Variants in MTA3 observed in about 807,000 individuals in gnomAD.
MTA3 encodes the protein metastasis-associated protein MTA3.
In MTA3, 34 loss-of-function variants were observed where a neutral mutation model predicts 83.5. The ratio of observed to expected loss-of-function variants is 0.41; its 90% CI spans 0.31 to 0.54. The LOEUF is 0.54. Among genes scored for constraint, MTA3 ranks in the 20% least tolerant of loss-of-function variants. The pLI, the probability that MTA3 is intolerant of heterozygous loss-of-function variation, is 0.33. For missense variants in MTA3, 761 were observed against 726.4 expected (o/e 1.05, Z -0.55); for synonymous variants, 303 against 252.7 (o/e 1.20, Z -1.89).
chr2:42,642,479 G>GAC (rs1054213653), intron 5 of MTA3, among the ~76,000 whole-genome samples: 1 of 151,868 alleles, frequency 6.6e-6, no homozygotes, highest in African/African-American at 2.4e-5. Context: ...AACATAGTGA[G>GAC]ACGTCGTCTC....
At chr2:42,688,236 G>C (rs987792508) in intron 9 of MTA3, among the ~76,000 whole-genome samples, 1 of 152,128 alleles carries the variant, frequency 6.6e-6, no homozygotes, top group African/African-American at 2.4e-5. Context: ...CACCATGTCT[G>C]GCTAACTTTC....
intron 8 of MTA3, among the ~76,000 whole-genome samples, chr2:42,669,131 C>A (rs139597796): frequency 0.014 from 2,085 of 146,516 alleles, 53 homozygotes; most frequent in African/African-American, 0.049. Flanking sequence ...GTCACCCAGG[C>A]TGGAGTGCAG....
At chr2:42,622,252 G>A (rs1245583043) in intron 4 of MTA3, among the ~76,000 whole-genome samples, 4 of 151,990 alleles carry the variant, frequency 2.6e-5, no homozygotes, top group East Asian at 3.9e-4. Context: ...AAAAAAATAC[G>A]AAAACCAGTC....
chr2:42,521,617 A>G (rs1178063076), intron 2 of MTA3, among the ~76,000 whole-genome samples: 1 of 152,168 alleles, frequency 6.6e-6, no homozygotes, highest in East Asian at 1.9e-4. Flanking sequence ...CGGGGCACAC[A>G]GAAAGGAAGG....
intron 3 of MTA3, among the ~76,000 whole-genome samples, chr2:42,597,713 C>T (rs1262898925): frequency 6.2e-5 from 8 of 128,764 alleles, no homozygotes; most frequent in Admixed American, 5.6e-4. Flanking sequence ...TGGGGTCTTG[C>T]TCTGTTGCCC....
intron 8 of MTA3, among the ~76,000 whole-genome samples, chr2:42,664,036 G>GA (rs1403455982): frequency 5.9e-5 from 9 of 152,146 alleles, no homozygotes; most frequent in Admixed American, 1.3e-4. Context: ...ATCTGCACTT[G>GA]ATTCCTCCTG....
At chr2:42,731,967 T>C (rs528861087) in intron 16 of MTA3, among the ~76,000 whole-genome samples, 9 of 152,210 alleles carry the variant, frequency 5.9e-5, no homozygotes, top group Non-Finnish European at 8.8e-5. Flanking sequence ...TGAAATCCAG[T>C]TGGGCAGTCA....
chr2:42,699,542 T>C (rs1204695623), intron 11 of MTA3, among the ~76,000 whole-genome samples: 1 of 152,136 alleles, frequency 6.6e-6, no homozygotes, highest in Non-Finnish European at 1.5e-5. Context: ...AGGGACCAGT[T>C]ATGAAGTTCT....
intron 2 of MTA3, among the ~76,000 whole-genome samples, chr2:42,513,031 CT>C (rs1674974448): frequency 6.6e-6 from 1 of 152,282 alleles, no homozygotes; most frequent in South Asian, 2.1e-4. Context: ...AATTTTGCCA[CT>C]TAATTTAAAT....
intron 4 of MTA3, among the ~76,000 whole-genome samples, chr2:42,630,695 T>C (rs1174261924): frequency 1.3e-5 from 2 of 152,216 alleles, no homozygotes; most frequent in Admixed American, 6.5e-5. Context: ...AAAATAATAC[T>C]ATAATGAATA....
intron 4 of MTA3, among the ~76,000 whole-genome samples, chr2:42,623,425 G>A (rs1685765222): frequency 6.6e-6 from 1 of 152,168 alleles, no homozygotes; most frequent in African/African-American, 2.4e-5. Flanking sequence ...TAAGTTCCCT[G>A]AATAAAGCTT....
chr2:42,593,642 CTA>C (rs1437860089), intron 3 of MTA3, among the ~76,000 whole-genome samples: 1 of 152,020 alleles, frequency 6.6e-6, no homozygotes, highest in African/African-American at 2.4e-5. Flanking sequence ...TGGTGTGTGA[CTA>C]TATATGTCAT....
chr2:42,523,139 C>A (rs1430590194), intron 2 of MTA3, among the ~76,000 whole-genome samples: 1 of 152,236 alleles, frequency 6.6e-6, no homozygotes, highest in Admixed American at 6.6e-5. Flanking sequence ...AGTGTTTATC[C>A]TAAAGGGGCT....
chr2:42,641,771 C>G (rs888114504), intron 5 of MTA3, among the ~76,000 whole-genome samples: 2 of 151,952 alleles, frequency 1.3e-5, no homozygotes, highest in African/African-American at 4.8e-5. Context: ...GAGGCTGAGG[C>G]AGGAGAATAC....
chr2:42,720,706 C>T (rs1667341008), intron 15 of MTA3, among the ~76,000 whole-genome samples: 1 of 151,804 alleles, frequency 6.6e-6, no homozygotes, highest in Non-Finnish European at 1.5e-5. Flanking sequence ...TGCCTGTAAT[C>T]CCAGTACTTT....
intron 2 of MTA3, among the ~76,000 whole-genome samples, chr2:42,541,140 T>A (rs1357964080): frequency 6.6e-6 from 1 of 151,940 alleles, no homozygotes. Context: ...CAAGTGATTC[T>A]CCTGCCTCAG....
At chr2:42,667,703 T>G (rs1269500639) in intron 8 of MTA3, among the ~76,000 whole-genome samples, 1 of 150,918 alleles carries the variant, frequency 6.6e-6, no homozygotes, top group Non-Finnish European at 1.5e-5. Context: ...GGCGTGATCA[T>G]AGCTCACTGC....
intron 2 of MTA3, among the ~76,000 whole-genome samples, chr2:42,529,679 C>T (rs1166046822): frequency 6.6e-6 from 1 of 152,158 alleles, no homozygotes; most frequent in African/African-American, 2.4e-5. Context: ...GGCAATGTGA[C>T]CAGCAGTGAG....
chr2:42,498,979 A>G (rs1674272297), intron 2 of MTA3, among the ~76,000 whole-genome samples: 1 of 152,162 alleles, frequency 6.6e-6, no homozygotes. Context: ...CTGTAACTCA[A>G]TAGCACTATG....
Sources: allele counts gnomAD v4.1 joint callset (sites outside exome capture counted in the v4.1 genomes callset), GRCh38; gene constraint gnomAD v4.1.1; transcripts MANE v1.5; gene names NCBI Gene and HGNC (gene_info 2026-07-23, HGNC 2026-07-21).